Variants in XIRP2 observed in about 807,000 individuals in gnomAD.
XIRP2 encodes the protein xin actin binding repeat containing 2, also known as xin actin-binding repeat-containing protein 2.
A neutral mutation model predicts 277.0 loss-of-function variants in XIRP2; 236 were observed. That is an observed-to-expected ratio of 0.85 (90% CI 0.77 to 0.95). The LOEUF is 0.95. XIRP2 is among the 40% of genes least tolerant of loss of function. XIRP2 has a pLI of 0.00. For missense variants in XIRP2, 4,640 were observed against 4,157.5 expected (o/e 1.12, Z -3.19); for synonymous variants, 1,490 against 1,416.5 (o/e 1.05, Z -1.17).
intron 2 of XIRP2, among the ~76,000 whole-genome samples, chr2:167,083,003 C>T (rs898428380): frequency 5.9e-5 from 9 of 152,198 alleles, no homozygotes; most frequent in African/African-American, 2.2e-4. Context: ...GTGTTTTAGA[C>T]ATGAAGTCCT....
intron 3 of XIRP2, among the ~76,000 whole-genome samples, chr2:167,200,686 T>A (rs994044018): frequency 6.6e-6 from 1 of 152,228 alleles, no homozygotes; most frequent in African/African-American, 2.4e-5. Context: ...CTTTCTAGTG[T>A]TATTCTTTTT....
In XIRP2 at chr2:166,915,833, A is replaced by G. The variant is rs537026042; in HGVS notation, c.408+11943A>G. ...ATCAGGTTGAGTTTACCTAATTCTC[A>G]ATAAATACTGTTTCTATCATTTATT... On this transcript the variant is annotated intron_variant, in intron 2 of 10. Transcript: ENST00000409195. Among the ~76,000 whole-genome samples, 9 of 152,312 alleles carry G rather than the reference A, an allele frequency of 5.9e-5. No individual in the cohort carries two copies. In the Middle Eastern group the frequency reaches 0.01, roughly 173 times the overall value.
chr2:167,150,958 T>C (rs1300968973), intron 3 of XIRP2, among the ~76,000 whole-genome samples: 1 of 152,112 alleles, frequency 6.6e-6, no homozygotes, highest in East Asian at 1.9e-4. Context: ...AGTGGAAATT[T>C]GCAAGAGACT....
At position 167,191,217 on chromosome 2, in the gene XIRP2, G is replaced by GAAAGAAAAGA. The variant is rs376744900; in HGVS notation, c.563-19502_563-19493dup. Among the ~76,000 whole-genome samples, 597 of 148,158 alleles carry GAAAGAAAAGA rather than the reference G, an allele frequency of 4.0e-3. 6 individuals carry two copies. Among genetic ancestry groups the GAAAGAAAAGA allele is most frequent in the African/African-American group, 0.014 (570 of 40,088 alleles). On this transcript the variant is annotated intron_variant, in intron 3 of 10. Coordinates refer to ENST00000409195, the MANE Select transcript of XIRP2 (RefSeq NM_152381.6). Reference sequence around the variant, plus strand: ...AAAAAAAAAAAGAAAAAGAAAGAAAGAAAGAAAAGAAAAGAAAAGAAAAGA... The same window carrying GAAAGAAAAGA: ...AAAAAAAAAAAGAAAAAGAAAGAAAGAAAGAAAAGAAAAGAAAAGAAAAGAAAAGAAAAGA...
intron 2 of XIRP2, among the ~76,000 whole-genome samples, chr2:167,030,737 G>A (rs188000180): frequency 5.9e-5 from 9 of 152,106 alleles, no homozygotes; most frequent in East Asian, 1.9e-4. Flanking sequence ...CGCTTGGTGC[G>A]GAGCTGAGTT....
chr2:166,949,250 A>G (rs890668964), intron 2 of XIRP2, among the ~76,000 whole-genome samples: 1 of 152,088 alleles, frequency 6.6e-6, no homozygotes, highest in Non-Finnish European at 1.5e-5. Flanking sequence ...TTAGCCCTGG[A>G]GCAAACTGCT....
At position 167,250,797 on chromosome 2, in the gene XIRP2, C is replaced by T; in HGVS notation, c.9405C>T (p.Asn3135=). 1 of 1,613,470 alleles carries T rather than the reference C, an allele frequency of 6.2e-7. No individual in the cohort carries two copies. Among genetic ancestry groups the T allele is most frequent in the Non-Finnish European group, 8.5e-7 (1 of 1,179,694 alleles). The change falls in exon 9 of 11, where the codon AAC becomes AAT. Residue 3135 remains asparagine, a synonymous_variant. Coordinates refer to ENST00000409195, the MANE Select transcript of XIRP2 (RefSeq NM_152381.6). ...AATCTACTGCCCGACGAACAGAAAA[C>T]CCTACTAAGAACGAGCTTTCTCAGT... The part of the protein sequence containing the change: ...TIESTARRTE[N]PTKNELSQSP...
intron 7 of XIRP2, 103 bp downstream of exon 7, chr2:167,240,839 T>A: frequency 2.1e-6 from 2 of 964,304 alleles, no homozygotes; most frequent in African/African-American, 1.6e-5. Flanking sequence ...CTGAGTAACT[T>A]TAGTAACTAT....
chr2:167,250,734 A>G lies in XIRP2; in HGVS notation c.9342A>G (p.Leu3114=). ...ATAGCAACATTCCTCCTCCCTCTTT[A>G]AAAACACGCCCACCGTCACCAACTT... ...LDDSNIPPPS[L]KTRPPSPTFI... The change falls in exon 9 of 11, where the codon TTA becomes TTG. Residue 3114 remains leucine (L), a synonymous_variant. Transcript: ENST00000409195. 1.2e-6 allele frequency: 2 copies of G among 1,613,516 alleles called. No homozygotes were observed. The highest frequency in any genetic ancestry group is 2.2e-5 in the South Asian group (2 of 91,066).
Position 167,010,407 on chromosome 2 carries a change from C to T in XIRP2, c.408+106517C>T, listed in dbSNP as rs1202854271. Among the ~76,000 whole-genome samples, 4 of 151,852 alleles carry T rather than the reference C, an allele frequency of 2.6e-5. No homozygotes were observed. The East Asian group carries it at 7.7e-4, about 29-fold the overall frequency. On this transcript the variant is annotated intron_variant, in intron 2 of 10. Transcript: ENST00000409195. The stretch of plus-strand genomic sequence containing the variant: ...ATATGTGGCGTTATTTCTGAGGGCT[C>T]TGTTCTGTTCCATTGATCTATATCT...
chr2:167,213,513 A>G (rs566681810), intron 4 of XIRP2, among the ~76,000 whole-genome samples: 60 of 152,348 alleles, frequency 3.9e-4, no homozygotes, highest in African/African-American at 1.3e-3. Context: ...TCAAATTAGC[A>G]TATTATTATC....
At chr2:167,148,216 T>C (rs1351606453) in intron 3 of XIRP2, among the ~76,000 whole-genome samples, 1 of 151,656 alleles carries the variant, frequency 6.6e-6, no homozygotes, top group Non-Finnish European at 1.5e-5. Flanking sequence ...ACCCCATCTC[T>C]AATAAAAATA....
In XIRP2 at chr2:167,259,161, AT is replaced by A; in HGVS notation, c.*1347del. The A allele has an allele frequency of 2.5e-6, 4 of 1,613,238 alleles. No individual in the cohort carries two copies. The highest frequency in any genetic ancestry group is 3.4e-6 in the Non-Finnish European group (4 of 1,179,616). ...CAAATTAAAAATATGCCATGCTTGG[AT>A]TTAAGGGAATTTGGAAAGGATGTTA... On this transcript the variant is annotated 3_prime_UTR_variant, in exon 11 of 11. Transcript: ENST00000409195.
intron 2 of XIRP2, among the ~76,000 whole-genome samples, chr2:167,082,963 C>T (rs1436138386): frequency 6.6e-6 from 1 of 152,148 alleles, no homozygotes; most frequent in Non-Finnish European, 1.5e-5. Flanking sequence ...TCCCGTTTGT[C>T]AATTTTGTCA....
At chr2:167,172,962 G>A (rs1396573108) in intron 3 of XIRP2, among the ~76,000 whole-genome samples, 1 of 152,176 alleles carries the variant, frequency 6.6e-6, no homozygotes, top group Non-Finnish European at 1.5e-5. Context: ...AGTAAAGACA[G>A]GCGTAAGAAA....
In XIRP2 at chr2:167,087,390, C is replaced by CTT. The variant is rs138425090; in HGVS notation, c.409-48515_409-48514dup. 3.4e-3 allele frequency among the ~76,000 whole-genome samples: 516 copies of CTT among 151,772 alleles called. 2 individuals are homozygous for CTT. Among genetic ancestry groups the CTT allele is most frequent in the African/African-American group, 5.6e-3 (231 of 41,312 alleles). ...TTAAGTCTGCAGAGGTTACTGCTGT[C>CTT]TTTTTGTTTGTCTGTGCCCTGCCCC... is the stretch of plus-strand genomic sequence containing the variant. On this transcript the variant is annotated intron_variant, in intron 2 of 10. Transcript: ENST00000409195.
intron 4 of XIRP2, among the ~76,000 whole-genome samples, chr2:167,213,762 G>C (rs1694131111): frequency 6.6e-6 from 1 of 152,122 alleles, no homozygotes; most frequent in South Asian, 2.1e-4. Flanking sequence ...TCTTGGGCAG[G>C]TCCTGCCATC....
At chr2:166,913,675 A>G (rs1270599014) in intron 2 of XIRP2, among the ~76,000 whole-genome samples, 3 of 152,228 alleles carry the variant, frequency 2.0e-5, no homozygotes, top group Middle Eastern at 3.2e-3. Context: ...GTGTACTGAC[A>G]TAGACTCCAC....
chr2:166,963,227 A>G (rs1686343648), intron 2 of XIRP2, among the ~76,000 whole-genome samples: 1 of 151,860 alleles, frequency 6.6e-6, no homozygotes, highest in Non-Finnish European at 1.5e-5. Context: ...GTAATTTATA[A>G]ACAATATAGC....
Sources: gnomAD v4.1 joint callset for allele counts (sites outside exome capture counted in the v4.1 genomes callset) on GRCh38, gnomAD v4.1.1 for gene constraint, MANE v1.5 for transcripts, NCBI Gene and HGNC (gene_info 2026-07-23, HGNC 2026-07-21) for gene names.